The following BCORL1 variants were observed in gnomAD, a reference collection of about 807,000 sequenced individuals.
The protein encoded by BCORL1 is BCL-6 corepressor-like protein 1.
A neutral mutation model predicts 87.6 loss-of-function variants in BCORL1; 7 were observed. That is an observed-to-expected ratio of 0.08 (90% CI 0.05 to 0.15). The LOEUF is 0.15. Among genes scored for constraint, BCORL1 ranks in the 10% least tolerant of loss-of-function variants. The probability of loss-of-function intolerance (pLI) is 1.00; values close to 1 mark genes in which losing one functional copy is unlikely to be tolerated. For synonymous variants in BCORL1, 591 were observed against 634.4 expected, an observed-to-expected ratio of 0.93 and a Z score of 1.03; for missense variants, 1,215 against 1,499.7, an observed-to-expected ratio of 0.81 and a Z score of 3.13.
At chrX:130,055,755 TGGTCGTGCAGCCTTTGTGGG>T in intron 13 of BCORL1, 79 bp from the exon 14 acceptor site, 1 of 909,381 alleles carries the variant, frequency 1.1e-6, no homozygotes, top group Non-Finnish European at 1.5e-6. Flanking sequence ...GAGACATTGA[TGGTCGTGCAGCCTTTGTGGG>T]CTTTGCAGAG....
intron 4 of BCORL1, among the ~76,000 whole-genome samples, chrX:130,016,605 G>A (rs1426306706): frequency 8.9e-6 from 1 of 112,062 alleles, no homozygotes; most frequent in African/African-American, 3.2e-5. Context: ...CACTGGCCTT[G>A]AGAACTTAGG....
Position 130,043,746 on chromosome X carries a change from TTATATA to T in BCORL1, c.4840+4498_4840+4503del, listed in dbSNP as rs55637661. The stretch of plus-strand genomic sequence containing the variant: ...CCCGCCACCATGCCCAGCTAATTTG[TTATATA>T]TATATATATATATATATATATATAT... On this transcript the variant is annotated intron_variant, in intron 11 of 13. Coordinates refer to ENST00000540052, the MANE Select transcript of BCORL1 (RefSeq NM_001379451.1). 3.0e-3 allele frequency among the ~76,000 whole-genome samples: 53 copies of T among 17,470 alleles called. 1 individual carries two copies. The highest frequency in any genetic ancestry group is 3.5e-3 in the Non-Finnish European group (43 of 12,419). 15.2% of individuals were successfully genotyped at this position (17,470 alleles called of 115,157 possible).
chrX:129,999,869 T>A (rs1927905212), intron 1 of BCORL1, among the ~76,000 whole-genome samples: 1 of 110,026 alleles, frequency 9.1e-6, no homozygotes, highest in Non-Finnish European at 1.9e-5. Context: ...AGATGGGGTT[T>A]CACCATGTTG....
At chrX:129,996,451 G>C (rs1046462129) in intron 1 of BCORL1, among the ~76,000 whole-genome samples, 5 of 111,204 alleles carry the variant, frequency 4.5e-5, no homozygotes, top group African/African-American at 1.6e-4. Context: ...TTACTGTCTT[G>C]ATGGTAGAGT....
At chrX:130,004,725 C>T (rs1928355011) in intron 1 of BCORL1, among the ~76,000 whole-genome samples, 1 of 111,927 alleles carries the variant, frequency 8.9e-6, no homozygotes, top group African/African-American at 3.2e-5. Flanking sequence ...CATGTGCTTC[C>T]TCTGAAGAGT....
chrX:130,045,949 C>T (rs927110873), intron 11 of BCORL1, among the ~76,000 whole-genome samples: 2 of 110,714 alleles, frequency 1.8e-5, no homozygotes, highest in Non-Finnish European at 3.8e-5. Context: ...AAGAATTTAT[C>T]GAGATGAAAT....
At chrX:130,043,598 C>T (rs1197686473) in intron 11 of BCORL1, among the ~76,000 whole-genome samples, 1 of 104,670 alleles carries the variant, frequency 9.6e-6, no homozygotes, top group African/African-American at 3.5e-5. Context: ...ATTTTTGAGA[C>T]GGAGTCTCGC....
At chrX:130,002,731 G>A (rs1309193239) in intron 1 of BCORL1, among the ~76,000 whole-genome samples, 1 of 106,662 alleles carries the variant, frequency 9.4e-6, no homozygotes, top group East Asian at 3.0e-4. Flanking sequence ...GGCAAGAGGT[G>A]AACAGCTGGG....
chrX:130,044,608 C>A (rs766125970), intron 11 of BCORL1, among the ~76,000 whole-genome samples: 10 of 110,179 alleles, frequency 9.1e-5, no homozygotes, highest in African/African-American at 3.3e-4. Context: ...CTCCTGGGTT[C>A]AAGCGATTCT....
In BCORL1 at chrX:130,020,993, G is replaced by A. The variant is rs1929756181; in HGVS notation, c.3450G>A (p.Lys1150=). ...CCTCTACCTCTCCACAGTGCCGGAA[G>A]CTGCCCAGTGACCCCCAGGAATCCA... is the stretch of plus-strand genomic sequence containing the variant. ...VRSSHRPKCR[K]LPSDPQESTK... The change falls in exon 5 of 14, where the codon AAG becomes AAA. Residue 1150 remains lysine (K), a synonymous_variant. Transcript: ENST00000540052. The A allele has an allele frequency of 2.6e-6, 3 of 1,169,921 alleles. No homozygotes were observed. Among genetic ancestry groups the A allele is most frequent in the Non-Finnish European group, 3.4e-6 (3 of 880,744 alleles).
rs769080618 is a variant in BCORL1, at chrX:129,990,511, A to C, written c.-45+7749A>C. On this transcript the variant is annotated intron_variant, in intron 1 of 13. Coordinates refer to ENST00000540052, the MANE Select transcript of BCORL1 (RefSeq NM_001379451.1). ...CTCCCAAAGTGCTGGGATTACAGGCATGAGCCACTGTGCCCGGCCCTATTA... is the reference window on the plus strand; with the variant it reads ...CTCCCAAAGTGCTGGGATTACAGGCCTGAGCCACTGTGCCCGGCCCTATTA... Among the ~76,000 whole-genome samples, 10 of 111,815 alleles carry C rather than the reference A, an allele frequency of 8.9e-5. No homozygotes were observed. The East Asian group carries it at 1.1e-3, about 12-fold the overall frequency.
rs755890958 is a variant in BCORL1, at chrX:130,013,962, T to C, written c.1190T>C (p.Met397Thr). 6.4e-6 allele frequency: 7 copies of C among 1,092,213 alleles called. No homozygotes were observed. Among genetic ancestry groups the C allele is most frequent in the Non-Finnish European group, 7.3e-6 (6 of 822,474 alleles). 90.0% of individuals were successfully genotyped at this position (1,092,213 alleles called of 1,213,427 possible). A position where few individuals can be genotyped will look rare whatever the true frequency, so the allele number is the denominator to read the frequency against. ...ATCTTTACTCCAGCCCCTACACCCA[T>C]GCCTGCTGCCACGCCAGCTGCCATT... ...APIFTPAPTP[M>T]PAATPAAIPT... is the part of the protein sequence containing the mutation. The change falls in exon 4 of 14, where the codon ATG becomes ACG. Residue 397 changes from methionine to threonine, a missense_variant. By Grantham distance (81) the Met-to-Thr change is moderately conservative. This residue lies in a region of BCORL1 where 861 missense variants were observed against 1,010.0 expected (regional missense o/e 0.85). Coordinates refer to ENST00000540052, the MANE Select transcript of BCORL1 (RefSeq NM_001379451.1).
intron 2 of BCORL1, among the ~76,000 whole-genome samples, chrX:130,006,589 G>C (rs1326038978): frequency 1.8e-5 from 2 of 110,873 alleles, no homozygotes. Flanking sequence ...TCAATCTCCT[G>C]ACCTCGTGAT....
At chrX:129,995,297 C>T (rs1026984459) in intron 1 of BCORL1, among the ~76,000 whole-genome samples, 4 of 111,055 alleles carry the variant, frequency 3.6e-5, no homozygotes, top group African/African-American at 9.8e-5. Context: ...TGAGCCACCA[C>T]GTCTGGCCTC....
chrX:130,011,770 T>G lies in BCORL1; in HGVS notation c.87-808T>G, dbSNP rs1381581258. On this transcript the variant is annotated intron_variant, in intron 2 of 13. Coordinates refer to ENST00000540052, the MANE Select transcript of BCORL1 (RefSeq NM_001379451.1). ...TGAACCTGAATTTGGGGTCTGAGGCTTTTCGGACAGGAGAGAACAAAGTGG... is the reference window on the plus strand; with the variant it reads ...TGAACCTGAATTTGGGGTCTGAGGCGTTTCGGACAGGAGAGAACAAAGTGG... 5.4e-5 allele frequency among the ~76,000 whole-genome samples: 6 copies of G among 110,539 alleles called. No homozygotes were observed. In the East Asian group the frequency reaches 1.4e-3, roughly 26 times the overall value.
chrX:130,025,364 C>T lies in BCORL1; in HGVS notation c.4063C>T (p.Arg1355Trp), dbSNP rs1316352614. Residue 1355 changes from arginine (R) to tryptophan (W), a missense_variant, in exon 7 of 14, where the codon CGG (arginine) becomes TGG (tryptophan). Physicochemically the swap from Arg to Trp is moderately radical, Grantham distance 101 (BLOSUM62 -3). Coordinates refer to ENST00000540052, the MANE Select transcript of BCORL1 (RefSeq NM_001379451.1). ...GACAGAGCAAGAAGACGAGCAGCGG[C>T]GGAAAGGGAGAGCAGGTAAGGCTGG... is the stretch of plus-strand genomic sequence containing the variant. ...YLTEQEDEQR[R>W]KGRADLKARK... 5 of 1,146,994 alleles carry T rather than the reference C, an allele frequency of 4.4e-6. No homozygotes were observed. Among genetic ancestry groups the T allele is most frequent in the Admixed American group, 5.7e-5 (2 of 35,352 alleles). The allele number at this position is 1,146,994 out of a possible 1,213,427, so 94.5% of individuals were successfully genotyped here. A position where few individuals can be genotyped will look rare whatever the true frequency, so the allele number is the denominator to read the frequency against.
rs182312070 is a variant in BCORL1 at position 130,012,019 on chromosome X, C to A, written c.87-559C>A. ...ACCAGTGCTAATAAACATGTCTCTGCTCTAGGCAAGACAGGAGGTGAATAG... is the reference window on the plus strand; with the variant it reads ...ACCAGTGCTAATAAACATGTCTCTGATCTAGGCAAGACAGGAGGTGAATAG... On this transcript the variant is annotated intron_variant, in intron 2 of 13. Coordinates refer to ENST00000540052, the MANE Select transcript of BCORL1 (RefSeq NM_001379451.1). 2.1e-4 allele frequency among the ~76,000 whole-genome samples: 23 copies of A among 112,063 alleles called. No homozygotes were observed. In the East Asian group the frequency reaches 6.2e-3, roughly 30 times the overall value.
intron 10 of BCORL1, among the ~76,000 whole-genome samples, chrX:130,038,001 A>G (rs773617578): frequency 3.6e-5 from 4 of 112,149 alleles, no homozygotes; most frequent in East Asian, 5.6e-4. Flanking sequence ...AAAGACTTCT[A>G]TAGGCTCAAG....
At chrX:130,040,901 C>T (rs1412669622) in intron 11 of BCORL1, among the ~76,000 whole-genome samples, 1 of 111,234 alleles carries the variant, frequency 9.0e-6, no homozygotes, top group Non-Finnish European at 1.9e-5. Flanking sequence ...TTTGAGAAAC[C>T]GGTCTAGTCC....
Sources: gnomAD v4.1 joint callset for allele counts (sites outside exome capture counted in the v4.1 genomes callset) on GRCh38, gnomAD v4.1.1 for gene constraint, gnomAD v4.1.1 regional missense constraint, MANE v1.5 for transcripts, NCBI Gene and HGNC (gene_info 2026-07-23, HGNC 2026-07-21) for gene names.